OLR1: variants seen among roughly 807,000 people sequenced by gnomAD.
The protein encoded by OLR1 is oxidized low density lipoprotein receptor 1.
Under a neutral mutation model 31.7 loss-of-function variants are expected in OLR1, and 23 were observed. The observed-to-expected ratio is 0.72, with a 90% CI of 0.52 to 1.03. The LOEUF (loss-of-function observed/expected upper bound fraction) is 1.03, where lower values mean the gene tolerates loss of function less well. Among genes scored for constraint, OLR1 ranks in the 50% least tolerant of loss-of-function variants. The pLI is 0.00. For missense variants in OLR1, 286 were observed against 315.7 expected (o/e 0.91, Z 0.71); for synonymous variants, 117 against 115.8 (o/e 1.01, Z -0.07).
At chr12:10,168,915 C>T (rs6488266) in intron 2 of OLR1, among the ~76,000 whole-genome samples, 159 bp downstream of exon 2, 1 of 152,098 alleles carries the variant, frequency 6.6e-6, no homozygotes, top group Admixed American at 6.5e-5. Flanking sequence ...CAATATACCC[C>T]TTTATTTTCA....
In OLR1 at chr12:10,159,890, C is replaced by G. The variant is rs557756840; in HGVS notation, c.812G>C (p.Arg271Thr). Residue 271 changes from arginine to threonine, a missense_variant, in exon 6 of 6, where the codon AGA becomes ACA. Physicochemically the swap from Arg to Thr is moderately conservative, Grantham distance 71 (BLOSUM62 -1). Coordinates refer to ENST00000309539, the MANE Select transcript of OLR1 (RefSeq NM_002543.4). ...CCAGAGCCTTCAAATTCACTGTGCTCTTAGGTTTGCCTTCTTCTGACATAT... is the reference window on the plus strand; with the variant it reads ...CCAGAGCCTTCAAATTCACTGTGCTGTTAGGTTTGCCTTCTTCTGACATAT... ...FSICQKKANL[R>T]AQ The G allele has an allele frequency of 2.5e-6, 4 of 1,611,678 alleles. No individual in the cohort carries two copies. In the South Asian group the frequency reaches 3.3e-5, roughly 13 times the overall value.
Position 10,169,053 on chromosome 12 carries a change from G to A in OLR1, c.178+21C>T, listed in dbSNP as rs751473188. Reference sequence around the variant, plus strand: ...AACACCCCTGCCCCAATAAACATCAGTTCCGTATTTTAGCACTTACATTGC... The same window carrying A: ...AACACCCCTGCCCCAATAAACATCAATTCCGTATTTTAGCACTTACATTGC... On this transcript the variant is annotated intron_variant, in intron 2 of 5. Coordinates refer to ENST00000309539, the MANE Select transcript of OLR1 (RefSeq NM_002543.4). 1.9e-6 allele frequency: 3 copies of A among 1,550,960 alleles called. No individual in the cohort carries two copies. The South Asian group carries it at 3.5e-5, about 18-fold the overall frequency.
At chr12:10,162,817 G>T (rs2137506753) in intron 3 of OLR1, among the ~76,000 whole-genome samples, 1 of 152,278 alleles carries the variant, frequency 6.6e-6, no homozygotes, top group African/African-American at 2.4e-5. Flanking sequence ...GACAGAGGAA[G>T]ACTCTGTCTC....
chr12:10,160,978 C>T (rs749130285), intron 3 of OLR1, 53 bp from the exon 4 acceptor site: 2 of 1,542,312 alleles, frequency 1.3e-6, no homozygotes, highest in Non-Finnish European at 1.8e-6. Flanking sequence ...AAAAGCAGTA[C>T]TGCAGTTCTT....
In OLR1 at chr12:10,169,160, T is replaced by C; in HGVS notation, c.92A>G (p.Tyr31Cys). Residue 31 changes from tyrosine to cysteine, a missense_variant, in exon 2 of 6, where the codon TAC becomes TGC. Tyr to Cys is a radical substitution (Grantham distance 194). Transcript: ENST00000309539. ...AGCAGCCAGGCACCACCATGGAGAG[T>C]AAAGAAACTGAAGACCTAGAGTGAC... ...GKKAKGLQFL[Y>C]SPWWCLAAAT... is the part of the protein sequence containing the mutation. The C allele has an allele frequency of 6.2e-7, 1 of 1,612,282 alleles. No individual in the cohort carries two copies. The highest frequency in any genetic ancestry group is 1.1e-5 in the South Asian group (1 of 90,926).
rs34554004 is a variant in OLR1, at chr12:10,164,675, ACT to A, written c.424+2035_424+2036del. 4.1e-3 allele frequency among the ~76,000 whole-genome samples: 617 copies of A among 152,042 alleles called. 3 individuals are homozygous for A. Among genetic ancestry groups the A allele is most frequent in the African/African-American group, 0.013 (522 of 41,442 alleles). The stretch of plus-strand genomic sequence containing the variant: ...CAAGGAAACAAAGTACCTCTGAATG[ACT>A]CTCTCTCACACCTTTTAACTCTCCC... On this transcript the variant is annotated intron_variant, in intron 3 of 5. Coordinates refer to ENST00000309539, the MANE Select transcript of OLR1 (RefSeq NM_002543.4).
intron 1 of OLR1, among the ~76,000 whole-genome samples, chr12:10,171,753 G>C (rs1234907169): frequency 6.6e-6 from 1 of 152,182 alleles, no homozygotes; most frequent in East Asian, 1.9e-4. Context: ...CGAAGATTCT[G>C]AGAAATAATA....
chr12:10,169,418 C>A (rs1475089204), intron 1 of OLR1, among the ~76,000 whole-genome samples: 9 of 152,104 alleles, frequency 5.9e-5, no homozygotes, highest in Admixed American at 5.2e-4. Context: ...GGTCACACAG[C>A]CAGTAAATTC....
At chr12:10,167,122 A>G in intron 2 of OLR1, 165 bp from the exon 3 acceptor site, 3 of 633,078 alleles carry the variant, frequency 4.7e-6, no homozygotes, top group Non-Finnish European at 8.1e-6. Context: ...GTTCTTGAAT[A>G]TTCCTGCAGT....
chr12:10,165,023 G>T (rs761925735), intron 3 of OLR1, among the ~76,000 whole-genome samples: 1 of 152,202 alleles, frequency 6.6e-6, no homozygotes, highest in Non-Finnish European at 1.5e-5. Context: ...AGCACTTTGG[G>T]AGGCCGAGGC....
chr12:10,168,231 T>C (rs1355923183), intron 2 of OLR1, among the ~76,000 whole-genome samples: 2 of 152,198 alleles, frequency 1.3e-5, no homozygotes, highest in Admixed American at 6.5e-5. Flanking sequence ...CTTCTTTTTT[T>C]CCCTCAATAT....
At chr12:10,162,697 G>A (rs1948630028) in intron 3 of OLR1, among the ~76,000 whole-genome samples, 1 of 152,098 alleles carries the variant, frequency 6.6e-6, no homozygotes, top group South Asian at 2.1e-4. Context: ...GTGTGGTGGT[G>A]TGCGCCTGTA....
In OLR1 at chr12:10,169,087, C is replaced by G; in HGVS notation, c.165G>C (p.Val55=). The G allele has an allele frequency of 6.2e-7, 1 of 1,610,304 alleles. No homozygotes were observed. The highest frequency in any genetic ancestry group is 2.2e-5 in the East Asian group (1 of 44,774). Residue 55 remains valine (V), a synonymous_variant, in exon 2 of 6, where the codon GTG becomes GTC. Transcript: ENST00000309539. Reference sequence around the variant, plus strand: ...TTTAGCACTTACATTGCATGCCCAGCACCATAATGGTCACTACTAATCCCA... The same window carrying G: ...TTTAGCACTTACATTGCATGCCCAGGACCATAATGGTCACTACTAATCCCA... ...LCLGLVVTIM[V]LGMQLSQVSD...
chr12:10,161,146 A>G (rs540589720), intron 3 of OLR1, among the ~76,000 whole-genome samples: 1 of 152,218 alleles, frequency 6.6e-6, no homozygotes, highest in Admixed American at 6.5e-5. Flanking sequence ...TGCCCACACT[A>G]CTTCTTAAGT....
intron 4 of OLR1, 79 bp from the exon 5 acceptor site, chr12:10,160,541 A>G (rs1948611597): frequency 8.5e-7 from 1 of 1,174,708 alleles, no homozygotes; most frequent in Non-Finnish European, 1.2e-6. Context: ...TGTTGGATCC[A>G]CAAAACTAAA....
chr12:10,172,145 G>A, upstream of OLR1: 1 of 1,065,782 alleles, frequency 9.4e-7, no homozygotes, highest in African/African-American at 1.6e-5. Context: ...AAATATGTGA[G>A]CTTCTGCAGA....
rs1948597614 is a variant in OLR1, at chr12:10,159,038, T to C, written c.*842A>G. On this transcript the variant is annotated 3_prime_UTR_variant, in exon 6 of 6. Coordinates refer to ENST00000309539, the MANE Select transcript of OLR1 (RefSeq NM_002543.4). ...GGAATTATAGCATAGCAAAACAGAGTTGAGAAGAGTTCATCTACAAAAGGT... is the reference window on the plus strand; with the variant it reads ...GGAATTATAGCATAGCAAAACAGAGCTGAGAAGAGTTCATCTACAAAAGGT... 1 of 152,128 alleles carries C rather than the reference T, an allele frequency of 6.6e-6. No homozygotes were observed. Among genetic ancestry groups the C allele is most frequent in the South Asian group, 2.1e-4 (1 of 4,828 alleles). 9.4% of individuals were successfully genotyped at this position (152,128 alleles called of 1,614,324 possible). A position where few individuals can be genotyped will look rare whatever the true frequency, so the allele number is the denominator to read the frequency against.
chr12:10,165,132 G>T (rs1565420849), intron 3 of OLR1, among the ~76,000 whole-genome samples: 4 of 152,128 alleles, frequency 2.6e-5, no homozygotes, highest in Admixed American at 2.6e-4. Context: ...GTGTGGTGGC[G>T]GGTGCCTCTA....
chr12:10,171,961 C>G (rs1241598478), intron 1 of OLR1, 41 bp downstream of exon 1: 1 of 1,469,292 alleles, frequency 6.8e-7, no homozygotes, highest in Admixed American at 1.7e-5. Context: ...GGGGCTAACA[C>G]TGGGATTCTT....
Sources: gnomAD v4.1 joint callset for allele counts (sites outside exome capture counted in the v4.1 genomes callset) on GRCh38, gnomAD v4.1.1 for gene constraint, MANE v1.5 for transcripts, NCBI Gene and HGNC (gene_info 2026-07-23, HGNC 2026-07-21) for gene names.